The following MICALL1 variants were observed in gnomAD, a reference collection of about 807,000 sequenced individuals.
MICALL1 encodes MICAL-like protein 1.
Under a neutral mutation model 83.7 loss-of-function variants are expected in MICALL1, and 61 were observed. That is an observed-to-expected ratio of 0.73 (90% CI 0.59 to 0.90). MICALL1 has a LOEUF of 0.90. Ranked by LOEUF, MICALL1 falls within the 40% of genes least tolerant of loss-of-function variation. The pLI is 0.00. For synonymous variants in MICALL1, 481 were observed against 473.6 expected, an observed-to-expected ratio of 1.02 and a Z score of -0.20; for missense variants, 1,066 against 1,152.0, an observed-to-expected ratio of 0.93 and a Z score of 1.08.
chr22:37,927,434 C>T lies in MICALL1; in HGVS notation c.1489C>T (p.His497Tyr). 6.3e-7 allele frequency: 1 copy of T among 1,591,756 alleles called. No individual in the cohort carries two copies. Among genetic ancestry groups the T allele is most frequent in the Non-Finnish European group, 8.6e-7 (1 of 1,167,236 alleles). The change falls in exon 9 of 16, where the codon CAC becomes TAC. Residue 497 changes from histidine (H) to tyrosine (Y), a missense_variant. Coordinates refer to ENST00000215957, the MANE Select transcript of MICALL1 (RefSeq NM_033386.4). ...PLALHASRLS[H>Y]SEPPSATPSP... The stretch of plus-strand genomic sequence containing the variant: ...AGCTCTCCACGCCTCCCGCCTCTCG[C>T]ACTCGGAGCCGCCCTCGGCCACACC...
At chr22:37,912,532 G>A in intron 3 of MICALL1, 40 bp downstream of exon 3, 1 of 1,547,598 alleles carries the variant, frequency 6.5e-7, no homozygotes. Context: ...GCTGGCCCAG[G>A]GGGTGGCCCT....
rs1356019780 is a variant in MICALL1, at chr22:37,927,457, A to G, written c.1512A>G (p.Thr504=). Residue 504 remains threonine, a synonymous_variant, in exon 9 of 16, where the codon ACA becomes ACG. Transcript: ENST00000215957. The part of the protein sequence containing the change: ...RLSHSEPPSA[T]PSPALSVESL... ...CGCACTCGGAGCCGCCCTCGGCCAC[A>G]CCATCGCCAGCGCTCAGCGTGGAGA... 6.2e-7 allele frequency: 1 copy of G among 1,603,852 alleles called. No individual in the cohort carries two copies. Among genetic ancestry groups the G allele is most frequent in the Non-Finnish European group, 8.5e-7 (1 of 1,173,098 alleles).
At chr22:37,914,376 G>A (rs1928536575) in intron 3 of MICALL1, among the ~76,000 whole-genome samples, 3 of 150,302 alleles carry the variant, frequency 2.0e-5, no homozygotes, top group African/African-American at 4.9e-5. Flanking sequence ...ACAGGCACCC[G>A]CCACCACACC....
chr22:37,940,848 T>C lies in MICALL1; in HGVS notation c.*18T>C, dbSNP rs745311313. The C allele has an allele frequency of 8.7e-6, 14 of 1,613,082 alleles. No homozygotes were observed. Among genetic ancestry groups the C allele is most frequent in the Non-Finnish European group, 1.2e-5 (14 of 1,179,332 alleles). On this transcript the variant is annotated 3_prime_UTR_variant, in exon 16 of 16. Coordinates refer to ENST00000215957, the MANE Select transcript of MICALL1 (RefSeq NM_033386.4). ...AGAGCTAACAGCACGAGAAGCCAGTTGGGGACTGCCCCCTCCTGGAGCAGC... is the reference window on the plus strand; with the variant it reads ...AGAGCTAACAGCACGAGAAGCCAGTCGGGGACTGCCCCCTCCTGGAGCAGC...
At chr22:37,912,207 C>T in intron 2 of MICALL1, 144 bp from the exon 3 acceptor site, 1 of 1,157,376 alleles carries the variant, frequency 8.6e-7, no homozygotes, top group Non-Finnish European at 1.2e-6. Flanking sequence ...TCCTGTGGTG[C>T]TTGGGTGGGA....
At position 37,927,523 on chromosome 22, in the gene MICALL1, G is replaced by C; in HGVS notation, c.1578G>C (p.Glu526Asp). ...SESASQTAGA[E>D]LLEPPAVPKS... is the part of the protein sequence containing the mutation. ...GCGCCAGCCAGACTGCAGGTGCAGA[G>C]CTTCTGGAGCCGCCAGCTGTGCCCA... The change falls in exon 9 of 16, where the codon GAG becomes GAC. Residue 526 changes from glutamate (E) to aspartate (D), a missense_variant. By Grantham distance (45) the Glu-to-Asp change is conservative. Coordinates refer to ENST00000215957, the MANE Select transcript of MICALL1 (RefSeq NM_033386.4). 6.2e-7 allele frequency: 1 copy of C among 1,613,432 alleles called. No individual in the cohort carries two copies. The highest frequency in any genetic ancestry group is 8.5e-7 in the Non-Finnish European group (1 of 1,179,392).
intron 1 of MICALL1, among the ~76,000 whole-genome samples, chr22:37,911,414 G>T (rs1928314787): frequency 6.6e-6 from 1 of 152,254 alleles, no homozygotes; most frequent in Non-Finnish European, 1.5e-5. Context: ...GGGCCTGTGA[G>T]CAGTGGGAGG....
rs1927969713 is a variant in MICALL1 at position 37,906,669 on chromosome 22, GC to G, written c.146+106del. 3 of 1,058,086 alleles carry G rather than the reference GC, an allele frequency of 2.8e-6. No homozygotes were observed. In the East Asian group the frequency reaches 1.5e-4, roughly 52 times the overall value. 65.5% of individuals were successfully genotyped at this position (1,058,086 alleles called of 1,614,324 possible). On this transcript the variant is annotated intron_variant, in intron 1 of 15. Transcript: ENST00000215957. This position sits in a 1 kb window ranked among gnomAD's most constrained non-coding sequence, Gnocchi z 4.4. ...CGAAGCCCGGGCGGTGACAGGCGCC[GC>G]CCCCGGACACGGAGACGCCGACCCC...
At chr22:37,920,529 C>A (rs1928961983) in intron 5 of MICALL1, among the ~76,000 whole-genome samples, 1 of 151,888 alleles carries the variant, frequency 6.6e-6, no homozygotes, top group Admixed American at 6.6e-5. Context: ...ATAATCCCAG[C>A]ACTTTCGGAG....
Position 37,906,705 on chromosome 22 carries a change from C to T in MICALL1, c.146+137C>T. On this transcript the variant is annotated intron_variant, in intron 1 of 15. Transcript: ENST00000215957. This position sits in a 1 kb window ranked among gnomAD's most constrained non-coding sequence, Gnocchi z 4.4. Reference sequence around the variant, plus strand: ...CGGAGACGCCGACCCCCCCGACGGCCCCGGACGCCGGGCGGGTCCCTGAGA... The same window carrying T: ...CGGAGACGCCGACCCCCCCGACGGCTCCGGACGCCGGGCGGGTCCCTGAGA... 9.8e-6 allele frequency: 8 copies of T among 814,314 alleles called. No individual in the cohort carries two copies. Among genetic ancestry groups the T allele is most frequent in the Non-Finnish European group, 1.2e-5 (8 of 643,864 alleles). The allele number at this position is 814,314 out of a possible 1,614,324, so 50.4% of individuals were successfully genotyped here.
At position 37,927,817 on chromosome 22, in the gene MICALL1, G is replaced by T; in HGVS notation, c.1872G>T (p.Leu624=). 6.2e-7 allele frequency: 1 copy of T among 1,605,328 alleles called. No individual in the cohort carries two copies. Among genetic ancestry groups the T allele is most frequent in the Non-Finnish European group, 8.5e-7 (1 of 1,174,846 alleles). ...CCCCTGGAAGCTCGTCCCCACAGCT[G>T]CAGGTAAAGGTGAGTGCCCCCTCAC... ...VPSPGSSSPQ[L]QVKSSCKENP... Residue 624 remains leucine, a synonymous_variant, in exon 9 of 16, where the codon CTG becomes CTT. Transcript: ENST00000215957.
chr22:37,916,279 T>C (rs1928671514), intron 3 of MICALL1, among the ~76,000 whole-genome samples: 1 of 152,378 alleles, frequency 6.6e-6, no homozygotes, highest in South Asian at 2.1e-4. Context: ...TCCTTTGTTA[T>C]GCTGCCTGTA....
At chr22:37,940,506 G>A (rs1355526027) in intron 15 of MICALL1, among the ~76,000 whole-genome samples, 5 of 152,130 alleles carry the variant, frequency 3.3e-5, no homozygotes, top group African/African-American at 2.4e-5. Context: ...AGGTGGGGAG[G>A]GGGAGGATGG....
intron 8 of MICALL1, chr22:37,927,049 C>T (rs985100383): frequency 4.4e-5 from 13 of 296,918 alleles, no homozygotes; most frequent in South Asian, 1.2e-4. Flanking sequence ...GCGAGGGCTG[C>T]GTGCTCCTCC....
chr22:37,936,988 G>T, intron 13 of MICALL1, 92 bp from the exon 14 acceptor site: 1 of 1,020,088 alleles, frequency 9.8e-7, no homozygotes, highest in Non-Finnish European at 1.5e-6. Flanking sequence ...GCATGGGGCT[G>T]GCCTGCCGCA....
At chr22:37,911,887 G>T in intron 1 of MICALL1, 65 bp from the exon 2 acceptor site, 1 of 1,529,586 alleles carries the variant, frequency 6.5e-7, no homozygotes, top group South Asian at 1.1e-5. Flanking sequence ...TTCTGACTCT[G>T]ACCCCGCCCC....
Position 37,931,827 on chromosome 22 carries a change from G to A in MICALL1, c.1910G>A (p.Arg637Gln), listed in dbSNP as rs199611515. Residue 637 changes from arginine to glutamine, a missense_variant, in exon 10 of 16, where the codon CGG becomes CAG. By Grantham distance (43) the Arg-to-Gln change is conservative. Coordinates refer to ENST00000215957, the MANE Select transcript of MICALL1 (RefSeq NM_033386.4). ...TCCTGCAAGGAGAATCCTTTTAACC[G>A]GAAGCCATCACCTGCAGCGTCCCCA... Reference protein sequence around the residue: ...KSSCKENPFNRKPSPAASPAT... With the variant: ...KSSCKENPFNQKPSPAASPAT... The A allele has an allele frequency of 3.3e-4, 532 of 1,613,926 alleles. 4 individuals are homozygous for A. In the South Asian group the frequency reaches 5.4e-3, roughly 16 times the overall value.
chr22:37,924,403 T>C lies in MICALL1; in HGVS notation c.1025-257T>C, dbSNP rs1569142692. Among the ~76,000 whole-genome samples the C allele has an allele frequency of 6.6e-6, 1 of 152,128 alleles. No homozygotes were observed. The highest frequency in any genetic ancestry group is 1.5e-5 in the Non-Finnish European group (1 of 68,002). On this transcript the variant is annotated intron_variant, in intron 6 of 15. Coordinates refer to ENST00000215957, the MANE Select transcript of MICALL1 (RefSeq NM_033386.4). The surrounding 1 kb of genome is among the most constrained non-coding windows in gnomAD (Gnocchi z 5.2). ...TTGAGATGATGTTTTCTGCCCACACTGGCGGGGGGTGTCTGAGGGGATTTG... is the reference window on the plus strand; with the variant it reads ...TTGAGATGATGTTTTCTGCCCACACCGGCGGGGGGTGTCTGAGGGGATTTG...
intron 5 of MICALL1, among the ~76,000 whole-genome samples, chr22:37,919,710 G>A (rs1246486962): frequency 4.7e-5 from 7 of 149,700 alleles, no homozygotes; most frequent in Admixed American, 4.0e-4. Context: ...TTTTTTGGCC[G>A]GGTATGGTGG....
Sources: allele counts gnomAD v4.1 joint callset (sites outside exome capture counted in the v4.1 genomes callset), GRCh38; gene constraint gnomAD v4.1.1; non-coding constraint Gnocchi (gnomAD v3.1); transcripts MANE v1.5; gene names NCBI Gene and HGNC (gene_info 2026-07-23, HGNC 2026-07-21).